The following BLTP1 variants were observed in gnomAD, a reference collection of about 807,000 sequenced individuals.
BLTP1 encodes the protein fragile site-associated protein.
the BLTP1 span, chr4:122,274,352 A>G: frequency 6.6e-7 from 1 of 1,510,468 alleles, no homozygotes. Context: ...GATGTTTTAC[A>G]TCAAAAGATG....
the BLTP1 span, chr4:122,198,322 C>T: frequency 1.0e-6 from 1 of 985,244 alleles, no homozygotes; most frequent in Non-Finnish European, 1.2e-6. Flanking sequence ...AGTGCTAATT[C>T]AGAGTACGCA....
the BLTP1 span, chr4:122,261,979 C>T: frequency 6.1e-6 from 6 of 985,384 alleles, no homozygotes; most frequent in Non-Finnish European, 7.2e-6. Context: ...ATTGCGTCAA[C>T]ATTTCTTGCT....
the BLTP1 span, chr4:122,347,837 G>T: frequency 1.6e-6 from 2 of 1,238,654 alleles, no homozygotes; most frequent in Non-Finnish European, 2.2e-6. Context: ...TAAAATCTTA[G>T]TTACTCTCAG....
chr4:122,349,751 T>C, the BLTP1 span: 4 of 1,538,446 alleles, frequency 2.6e-6, no homozygotes, highest in Middle Eastern at 2.3e-4. This position sits in a 1 kb window ranked among gnomAD's most constrained non-coding sequence, Gnocchi z 4.5. Context: ...TTATTTATTA[T>C]GCAATTAATA....
chr4:122,276,069 T>G, the BLTP1 span: 2 of 1,440,816 alleles, frequency 1.4e-6, no homozygotes, highest in Non-Finnish European at 1.9e-6. Flanking sequence ...ACTGTAGTAT[T>G]GAATAGTTTT....
the BLTP1 span, chr4:122,192,466 A>G: frequency 4.4e-6 from 4 of 918,458 alleles, no homozygotes; most frequent in East Asian, 2.7e-5. Flanking sequence ...TAAAATTTTT[A>G]TAAACTATTT....
chr4:122,356,766 T>A, the BLTP1 span: 1 of 1,605,808 alleles, frequency 6.2e-7, no homozygotes, highest in Non-Finnish European at 8.5e-7. Flanking sequence ...GTGGGTGGAA[T>A]ACTCTTTTTC....
At chr4:122,319,029 G>A in the BLTP1 span, among the ~76,000 whole-genome samples, 1 of 152,072 alleles carries the variant, frequency 6.6e-6, no homozygotes, top group African/African-American at 2.4e-5. Context: ...TTTGTTCACT[G>A]TATTCCTGTA....
At chr4:122,308,155 G>A in the BLTP1 span, 1 of 1,612,802 alleles carries the variant, frequency 6.2e-7, no homozygotes, top group East Asian at 2.2e-5. Context: ...CACAAATACT[G>A]CACAGGTACA....
chr4:122,261,717 G>A, the BLTP1 span: 1 of 983,820 alleles, frequency 1.0e-6, no homozygotes, highest in African/African-American at 1.7e-5. Flanking sequence ...AAGTATGTAA[G>A]GGACTTTTCT....
chr4:122,361,023 T>G, the BLTP1 span, among the ~76,000 whole-genome samples: 3 of 152,176 alleles, frequency 2.0e-5, no homozygotes, highest in Non-Finnish European at 4.4e-5. Flanking sequence ...ACCTAACCCC[T>G]CTGTTCTCTC....
the BLTP1 span, chr4:122,249,842 A>G: frequency 9.3e-6 from 9 of 969,552 alleles, no homozygotes; most frequent in East Asian, 8.0e-4. Context: ...GCCTCATACC[A>G]ATTGCTTAAG....
chr4:122,168,790 A>G, the BLTP1 span, among the ~76,000 whole-genome samples: 1 of 152,206 alleles, frequency 6.6e-6, no homozygotes, highest in Non-Finnish European at 1.5e-5. Flanking sequence ...TTAGGTTTTC[A>G]TATCACTGTT....
At chr4:122,360,727 C>A in the BLTP1 span, among the ~76,000 whole-genome samples, 1 of 152,078 alleles carries the variant, frequency 6.6e-6, no homozygotes, top group South Asian at 2.1e-4. Flanking sequence ...AGTGCATATA[C>A]CCATGAGAAA....
At chr4:122,197,987 A>C in the BLTP1 span, 1 of 984,842 alleles carries the variant, frequency 1.0e-6, no homozygotes, top group Admixed American at 6.1e-5. Context: ...ACTTACCCAC[A>C]TTTAAAATCA....
At chr4:122,361,308 G>C in the BLTP1 span, among the ~76,000 whole-genome samples, 2 of 152,082 alleles carry the variant, frequency 1.3e-5, no homozygotes, top group African/African-American at 4.8e-5. Context: ...GCAGGGCATC[G>C]ATGCAGAACT....
At chr4:122,244,125 T>C in the BLTP1 span, 1 of 1,278,830 alleles carries the variant, frequency 7.8e-7, no homozygotes, top group Non-Finnish European at 1.0e-6. Flanking sequence ...AGATTGTTGA[T>C]AGTTATAAGT....
At chr4:122,245,347 A>G in the BLTP1 span, among the ~76,000 whole-genome samples, 3 of 152,168 alleles carry the variant, frequency 2.0e-5, no homozygotes, top group Non-Finnish European at 4.4e-5. Flanking sequence ...TTTAAAAAAT[A>G]TATTAATAGC....
the BLTP1 span, among the ~76,000 whole-genome samples, chr4:122,273,949 A>C: frequency 3.6e-3 from 550 of 152,176 alleles, 4 homozygotes; most frequent in African/African-American, 0.012. Flanking sequence ...TTAAAATCAC[A>C]GGAATTATAT....
Sources: gnomAD v4.1 joint callset for allele counts (sites outside exome capture counted in the v4.1 genomes callset) on GRCh38, gnomAD v4.1.1 for gene constraint, Gnocchi (gnomAD v3.1) non-coding constraint, MANE v1.5 for transcripts, NCBI Gene and HGNC (gene_info 2026-07-23, HGNC 2026-07-21) for gene names.